UBAC1: variants seen among roughly 807,000 people sequenced by gnomAD.
The protein encoded by UBAC1 is UBA domain containing 1.
A neutral mutation model predicts 45.9 loss-of-function variants in UBAC1; 27 were observed. The ratio of observed to expected loss-of-function variants is 0.59; its 90% CI spans 0.43 to 0.81. The LOEUF is 0.81. Among genes scored for constraint, UBAC1 ranks in the 30% least tolerant of loss-of-function variants. The probability of loss-of-function intolerance (pLI) is 0.00; values close to 1 mark genes in which losing one functional copy is unlikely to be tolerated. For synonymous variants in UBAC1, 227 were observed against 215.5 expected (o/e 1.05, Z -0.47); for missense variants, 529 against 539.2 (o/e 0.98, Z 0.19).
chr9:135,953,717 G>A lies in UBAC1; in HGVS notation c.296C>T (p.Pro99Leu). The change falls in exon 3 of 10, where the codon CCA (proline) becomes CTA (leucine). Residue 99 changes from proline to leucine, a missense_variant. Pro to Leu is a moderately conservative substitution (Grantham distance 98, BLOSUM62 -3). Transcript: ENST00000371756. ...LLLIKKRAPS[P>L]LPKMADVSAE... The stretch of plus-strand genomic sequence containing the variant: ...TGAGACATCAGCCATCTTGGGAAGT[G>A]GTGATGGAGCACGCTTTTTTATCAA... 6.2e-7 allele frequency: 1 copy of A among 1,614,004 alleles called. No individual in the cohort carries two copies. Among genetic ancestry groups the A allele is most frequent in the East Asian group, 2.2e-5 (1 of 44,884 alleles).
Position 135,945,259 on chromosome 9 carries a change from C to A in UBAC1, c.654-9G>T, listed in dbSNP as rs778263400. ...CCTGAGGCACCGACATGCTGCAAGG[C>A]AAGAGACTCTTTCCAACATCCCCAG... is the stretch of plus-strand genomic sequence containing the variant. On this transcript the variant is annotated splice_polypyrimidine_tract_variant and intron_variant, in intron 6 of 9. Transcript: ENST00000371756. 1.3e-6 allele frequency: 2 copies of A among 1,565,742 alleles called. No individual in the cohort carries two copies. The highest frequency in any genetic ancestry group is 8.7e-7 in the Non-Finnish European group (1 of 1,155,616).
intron 1 of UBAC1, among the ~76,000 whole-genome samples, chr9:135,957,835 C>T (rs1338929413): frequency 2.7e-5 from 4 of 147,738 alleles, no homozygotes; most frequent in Non-Finnish European, 4.4e-5. Context: ...AGTGCAGTGG[C>T]GCGATCTCCG....
chr9:135,938,384 C>T (rs368040154), intron 8 of UBAC1, 24 bp from the exon 9 acceptor site: 1 of 1,609,604 alleles, frequency 6.2e-7, no homozygotes. Context: ...AGCACCAATA[C>T]CACTGTTAGC....
At chr9:135,937,719 T>C (rs1280742589) in intron 9 of UBAC1, among the ~76,000 whole-genome samples, 3 of 152,196 alleles carry the variant, frequency 2.0e-5, no homozygotes, top group African/African-American at 7.2e-5. Context: ...ATGAGGTGCA[T>C]AGGGGAGGGG....
At chr9:135,958,962 A>G (rs1280648151) in intron 1 of UBAC1, among the ~76,000 whole-genome samples, 2 of 152,258 alleles carry the variant, frequency 1.3e-5, no homozygotes, top group Non-Finnish European at 2.9e-5. Flanking sequence ...CAAATGATAC[A>G]TCTCAACACC....
intron 3 of UBAC1, among the ~76,000 whole-genome samples, chr9:135,950,254 A>G (rs1195969168): frequency 1.3e-5 from 2 of 152,242 alleles, no homozygotes; most frequent in Admixed American, 6.5e-5. Context: ...AAGCAGCTAC[A>G]TGTGTGGCGA....
intron 1 of UBAC1, among the ~76,000 whole-genome samples, chr9:135,959,372 G>GTTTTTT (rs34292104): frequency 1.0e-5 from 1 of 99,848 alleles, no homozygotes; most frequent in Non-Finnish European, 2.0e-5. Flanking sequence ...TTTTTGTCTG[G>GTTTTTT]TTTTTTTTTT....
At chr9:135,946,129 G>T in intron 5 of UBAC1, 132 bp from the exon 6 acceptor site, 2 of 1,031,638 alleles carry the variant, frequency 1.9e-6, no homozygotes, top group African/African-American at 1.6e-5. Context: ...AGGAGTTGCC[G>T]GTGAGGCAGG....
intron 4 of UBAC1, 79 bp downstream of exon 4, chr9:135,947,714 TGCCCC>T: frequency 8.8e-7 from 1 of 1,134,658 alleles, no homozygotes; most frequent in Non-Finnish European, 1.2e-6. Context: ...CTCCTCTTGC[TGCCCC>T]GCCCCGCAGG....
chr9:135,938,326 G>A lies in UBAC1; in HGVS notation c.998C>T (p.Pro333Leu), dbSNP rs145619460. The change falls in exon 9 of 10, where the codon CCG (proline) becomes CTG (leucine). Residue 333 changes from proline (P) to leucine (L), a missense_variant. Coordinates refer to ENST00000371756, the MANE Select transcript of UBAC1 (RefSeq NM_016172.3). ...GTCGATGCCCTTGTCCAGCTCCTCC[G>A]GAGAGGGCTTCCGGTCCCCCAGCAG... ...EWLLGDRKPS[P>L]EELDKGIDPD... 5.8e-5 allele frequency: 93 copies of A among 1,613,994 alleles called. No individual in the cohort carries two copies. The highest frequency in any genetic ancestry group is 4.9e-4 in the Middle Eastern group (3 of 6,062).
Position 135,952,650 on chromosome 9 carries a change from T to C in UBAC1, c.333+1030A>G, listed in dbSNP as rs149653472. 2.3e-4 allele frequency among the ~76,000 whole-genome samples: 35 copies of C among 152,290 alleles called. No individual in the cohort carries two copies. The East Asian group carries it at 5.4e-3, about 24-fold the overall frequency. ...ACATCCAGTTCTGTTTTGCAAGAAA[T>C]AGACAAGACAGGCAGAACTCAGCCT... On this transcript the variant is annotated intron_variant, in intron 3 of 9. Coordinates refer to ENST00000371756, the MANE Select transcript of UBAC1 (RefSeq NM_016172.3).
At chr9:135,951,440 T>C (rs1219542066) in intron 3 of UBAC1, among the ~76,000 whole-genome samples, 1 of 149,738 alleles carries the variant, frequency 6.7e-6, no homozygotes, top group Non-Finnish European at 1.5e-5. Flanking sequence ...CAGTGAGTTA[T>C]AATTGTACCA....
chr9:135,934,717 G>A (rs553056074), intron 9 of UBAC1, among the ~76,000 whole-genome samples: 5 of 152,258 alleles, frequency 3.3e-5, no homozygotes, highest in Admixed American at 6.5e-5. Context: ...TATAAGGTGC[G>A]AAACAGCTGT....
At chr9:135,956,355 T>C (rs887370884) in intron 1 of UBAC1, among the ~76,000 whole-genome samples, 15 of 152,208 alleles carry the variant, frequency 9.9e-5, no homozygotes, top group Non-Finnish European at 1.8e-4. Flanking sequence ...AGCACACAGC[T>C]GTCCCTGATT....
chr9:135,947,524 A>C (rs1216893126), intron 4 of UBAC1: 2 of 382,090 alleles, frequency 5.2e-6, no homozygotes, highest in Non-Finnish European at 9.3e-6. Context: ...ATTCTATCTA[A>C]ACGTTTTGCC....
intron 1 of UBAC1, among the ~76,000 whole-genome samples, chr9:135,959,213 G>A (rs1839503605): frequency 6.6e-6 from 1 of 152,150 alleles, no homozygotes; most frequent in Non-Finnish European, 1.5e-5. Flanking sequence ...GGGTCCACAG[G>A]ATATTTTTGT....
chr9:135,934,318 A>T (rs1002204485), intron 9 of UBAC1, among the ~76,000 whole-genome samples: 1 of 152,178 alleles, frequency 6.6e-6, no homozygotes, highest in Non-Finnish European at 1.5e-5. Flanking sequence ...CCCAGGCCTT[A>T]AAACAATCCT....
In UBAC1 at chr9:135,933,355, A is replaced by G. The variant is rs763939738; in HGVS notation, c.*45T>C. Reference sequence around the variant, plus strand: ...TCCACTCTGCCCGGTCTCGGGCCGCACCAGGGGGCTGCTGTGGCCTGATAG... The same window carrying G: ...TCCACTCTGCCCGGTCTCGGGCCGCGCCAGGGGGCTGCTGTGGCCTGATAG... On this transcript the variant is annotated 3_prime_UTR_variant, in exon 10 of 10. Coordinates refer to ENST00000371756, the MANE Select transcript of UBAC1 (RefSeq NM_016172.3). The G allele has an allele frequency of 6.4e-7, 1 of 1,564,516 alleles. No homozygotes were observed.
chr9:135,941,467 A>ACCCT (rs1183133330), intron 7 of UBAC1, among the ~76,000 whole-genome samples: 1 of 152,170 alleles, frequency 6.6e-6, no homozygotes, highest in East Asian at 1.9e-4. Context: ...CCTGAGCCAC[A>ACCCT]CCCTAATCCA....
Sources: gnomAD v4.1 joint callset for allele counts (sites outside exome capture counted in the v4.1 genomes callset) on GRCh38, gnomAD v4.1.1 for gene constraint, MANE v1.5 for transcripts, NCBI Gene and HGNC (gene_info 2026-07-23, HGNC 2026-07-21) for gene names.